Variants in GRIK4 observed in about 807,000 individuals in gnomAD.
The protein encoded by GRIK4 is glutamate ionotropic receptor kainate type subunit 4, also known as glutamate receptor ionotropic, kainate 4.
GRIK4 carries 40 observed loss-of-function variants against 104.9 expected under a neutral mutation model. That is an observed-to-expected ratio of 0.38 (90% CI 0.30 to 0.50). The LOEUF (loss-of-function observed/expected upper bound fraction) is 0.50. GRIK4 is among the 20% of genes least tolerant of loss of function. The pLI is 0.93. For synonymous variants in GRIK4, 485 were observed against 524.9 expected (o/e 0.92, Z 1.04); for missense variants, 1,047 against 1,308.1 (o/e 0.80, Z 3.08).
Position 120,565,388 on chromosome 11 carries a change from C to G in GRIK4, c.-159+53501C>G, listed in dbSNP as rs544852709. ...TCTCCTCCTTTAATTAGCAGGAATGCGCTGGACAAGTTGTTACAACTGCAG... is the reference window on the plus strand; with the variant it reads ...TCTCCTCCTTTAATTAGCAGGAATGGGCTGGACAAGTTGTTACAACTGCAG... On this transcript the variant is annotated intron_variant, in intron 1 of 20. Coordinates refer to ENST00000527524, the MANE Select transcript of GRIK4 (RefSeq NM_014619.5). 1.9e-3 allele frequency among the ~76,000 whole-genome samples: 296 copies of G among 152,300 alleles called. 1 individual carries two copies. The highest frequency in any genetic ancestry group is 6.9e-3 in the African/African-American group (286 of 41,554).
chr11:120,662,620 T>G (rs1184595216), intron 3 of GRIK4, among the ~76,000 whole-genome samples: 4 of 152,012 alleles, frequency 2.6e-5, no homozygotes, highest in Non-Finnish European at 4.4e-5. Flanking sequence ...GCAGATGGGC[T>G]GGGCTGGCGT....
chr11:120,715,872 A>G (rs1950822566), intron 3 of GRIK4, among the ~76,000 whole-genome samples: 1 of 152,046 alleles, frequency 6.6e-6, no homozygotes, highest in African/African-American at 2.4e-5. Context: ...CCTTAATTTA[A>G]TTTAAATGAA....
At chr11:120,655,369 G>A (rs1314146377) in intron 2 of GRIK4, among the ~76,000 whole-genome samples, 1 of 152,080 alleles carries the variant, frequency 6.6e-6, no homozygotes, top group Non-Finnish European at 1.5e-5. Flanking sequence ...GTGGGGCTTT[G>A]GCTCTGCTGG....
chr11:120,577,802 A>G (rs1023231885), intron 1 of GRIK4, among the ~76,000 whole-genome samples: 2 of 152,164 alleles, frequency 1.3e-5, no homozygotes, highest in African/African-American at 4.8e-5. Flanking sequence ...CGGCAGGGGC[A>G]GGTGGGTGTT....
At chr11:120,860,857 A>T (rs566794275) in intron 8 of GRIK4, among the ~76,000 whole-genome samples, 1 of 152,262 alleles carries the variant, frequency 6.6e-6, no homozygotes, top group African/African-American at 2.4e-5. Flanking sequence ...GTCCCATCAC[A>T]CATAGGACAA....
chr11:120,796,190 A>G (rs1429049068), intron 3 of GRIK4, among the ~76,000 whole-genome samples: 1 of 151,956 alleles, frequency 6.6e-6, no homozygotes, highest in Non-Finnish European at 1.5e-5. Flanking sequence ...TGCCCGCCAC[A>G]ACGCCTGGCA....
At position 120,919,111 on chromosome 11, in the gene GRIK4, G is replaced by A. The variant is rs569403249; in HGVS notation, c.1476+13618G>A. Among the ~76,000 whole-genome samples the A allele has an allele frequency of 1.7e-4, 26 of 152,274 alleles. No individual in the cohort carries two copies. The South Asian group carries it at 3.7e-3, about 22-fold the overall frequency. On this transcript the variant is annotated intron_variant, in intron 13 of 20. Coordinates refer to ENST00000527524, the MANE Select transcript of GRIK4 (RefSeq NM_014619.5). ...CTGCAATGCCTCTCAGGGAAGTGCC[G>A]TCAAGTCAGACCTTGATAGACAAGT... is the stretch of plus-strand genomic sequence containing the variant.
intron 3 of GRIK4, among the ~76,000 whole-genome samples, chr11:120,683,341 A>G (rs910453925): frequency 1.7e-4 from 26 of 152,180 alleles, no homozygotes; most frequent in Admixed American, 1.1e-3. Flanking sequence ...ACAATGACCA[A>G]GTAGGTAGCC....
intron 3 of GRIK4, among the ~76,000 whole-genome samples, chr11:120,712,985 C>T (rs1950765253): frequency 6.6e-6 from 1 of 152,142 alleles, no homozygotes; most frequent in African/African-American, 2.4e-5. Flanking sequence ...TCACAGTTTC[C>T]TGCGTGAGCC....
At chr11:120,797,984 G>C (rs1952551877) in intron 3 of GRIK4, among the ~76,000 whole-genome samples, 1 of 152,158 alleles carries the variant, frequency 6.6e-6, no homozygotes, top group Admixed American at 6.5e-5. Context: ...AAATACCACA[G>C]ACTGGGTGGC....
intron 1 of GRIK4, among the ~76,000 whole-genome samples, chr11:120,526,987 C>T (rs982836132): frequency 3.3e-5 from 5 of 152,238 alleles, no homozygotes; most frequent in Non-Finnish European, 5.9e-5. Flanking sequence ...ACACTTTAGG[C>T]AGAAGAAACA....
At chr11:120,539,198 T>C (rs924175413) in intron 1 of GRIK4, among the ~76,000 whole-genome samples, 1 of 152,184 alleles carries the variant, frequency 6.6e-6, no homozygotes, top group Non-Finnish European at 1.5e-5. Context: ...TCTTTGGTGA[T>C]GCTGGGTGGT....
In GRIK4 at chr11:120,878,227, C is replaced by G. The variant is rs113511137; in HGVS notation, c.1164+2984C>G. Among the ~76,000 whole-genome samples, 401 of 152,310 alleles carry G rather than the reference C, an allele frequency of 2.6e-3. 1 individual carries two copies. The highest frequency in any genetic ancestry group is 9.2e-3 in the African/African-American group (382 of 41,568). On this transcript the variant is annotated intron_variant, in intron 11 of 20. Coordinates refer to ENST00000527524, the MANE Select transcript of GRIK4 (RefSeq NM_014619.5). The stretch of plus-strand genomic sequence containing the variant: ...AGGCTTCTCAAATGTAGACGTGCAC[C>G]AGGATGACCGAGAGTGCTTCATAAA...
At chr11:120,856,749 T>G (rs745986864) in intron 8 of GRIK4, among the ~76,000 whole-genome samples, 1 of 152,234 alleles carries the variant, frequency 6.6e-6, no homozygotes, top group Non-Finnish European at 1.5e-5. Flanking sequence ...GGGTACCACC[T>G]GGACCTGTGC....
chr11:120,735,566 C>A (rs1337671484), intron 3 of GRIK4, among the ~76,000 whole-genome samples: 1 of 152,098 alleles, frequency 6.6e-6, no homozygotes, highest in East Asian at 1.9e-4. Flanking sequence ...TTGATCAAGG[C>A]CCTAGGGCTC....
chr11:120,860,008 T>G (rs1481509153), intron 8 of GRIK4, among the ~76,000 whole-genome samples: 1 of 152,086 alleles, frequency 6.6e-6, no homozygotes, highest in African/African-American at 2.4e-5. Context: ...GATGCAAGGG[T>G]GGCGCCAGGG....
chr11:120,873,771 G>A (rs1390736699), intron 9 of GRIK4: 1 of 253,346 alleles, frequency 3.9e-6, no homozygotes, highest in African/African-American at 2.2e-5. Context: ...TTTCCCTGGA[G>A]CAGAGAGAAA....
At chr11:120,805,542 G>A (rs574384992) in intron 4 of GRIK4, among the ~76,000 whole-genome samples, 2 of 152,270 alleles carry the variant, frequency 1.3e-5, no homozygotes, top group South Asian at 4.1e-4. Context: ...TTAGGCACCA[G>A]GTATTTTCTT....
intron 1 of GRIK4, among the ~76,000 whole-genome samples, chr11:120,593,004 G>A (rs1469661597): frequency 3.9e-5 from 6 of 152,064 alleles, no homozygotes; most frequent in South Asian, 2.1e-4. Flanking sequence ...CCAACATGGC[G>A]AAATCCCGTC....
Sources: gnomAD v4.1 joint callset for allele counts (sites outside exome capture counted in the v4.1 genomes callset) on GRCh38, gnomAD v4.1.1 for gene constraint, MANE v1.5 for transcripts, NCBI Gene and HGNC (gene_info 2026-07-23, HGNC 2026-07-21) for gene names.